Variants in MYH15 observed in about 807,000 individuals in gnomAD.
The protein encoded by MYH15 is myosin-15.
MYH15 carries 227 observed loss-of-function variants against 240.5 expected under a neutral mutation model. The ratio of observed to expected loss-of-function variants is 0.94; its 90% CI spans 0.85 to 1.05. The LOEUF (loss-of-function observed/expected upper bound fraction) is 1.05, where lower values mean the gene tolerates loss of function less well. MYH15 is among the 50% of genes least tolerant of loss of function. The pLI is 0.00. For missense variants in MYH15, 2,217 were observed against 2,247.5 expected (o/e 0.99, Z 0.27); for synonymous variants, 785 against 796.7 (o/e 0.99, Z 0.25).
intron 1 of MYH15, among the ~76,000 whole-genome samples, chr3:108,521,443 C>A (rs187869892): frequency 1.3e-5 from 2 of 151,680 alleles, no homozygotes; most frequent in East Asian, 1.9e-4. Context: ...ATAGTTCATG[C>A]GATCAGTTCT....
At chr3:108,510,679 G>A (rs570093521), upstream of MYH15, 630 of 1,279,764 alleles carry the variant, frequency 4.9e-4, no homozygotes, top group Middle Eastern at 1.3e-3. Context: ...AGACTAAAGA[G>A]TGTTAAGTTT....
chr3:108,393,965 T>C (rs1438493755), intron 36 of MYH15, 66 bp downstream of exon 36: 1 of 1,606,822 alleles, frequency 6.2e-7, no homozygotes, highest in Non-Finnish European at 8.5e-7. Flanking sequence ...GATGTGGCCC[T>C]GCCCCTTGGC....
intron 33 of MYH15, among the ~76,000 whole-genome samples, chr3:108,400,738 G>A (rs1258654314): frequency 6.6e-6 from 1 of 152,160 alleles, no homozygotes; most frequent in Non-Finnish European, 1.5e-5. Context: ...GAACCCAGAA[G>A]GCAGAGGTTG....
chr3:108,386,730 A>G (rs1223418685), intron 38 of MYH15, among the ~76,000 whole-genome samples: 4 of 151,834 alleles, frequency 2.6e-5, no homozygotes, highest in Admixed American at 1.3e-4. Context: ...ATCTAACTCT[A>G]TCCTGGCATT....
chr3:108,530,322 T>G (rs914690413), upstream of MYH15, among the ~76,000 whole-genome samples: 1 of 152,184 alleles, frequency 6.6e-6, no homozygotes, highest in African/African-American at 2.4e-5. Flanking sequence ...TGGCATCTAA[T>G]TAAAAATTAC....
intron 7 of MYH15, among the ~76,000 whole-genome samples, chr3:108,493,959 T>C (rs1195103474): frequency 6.6e-6 from 1 of 152,188 alleles, no homozygotes; most frequent in Admixed American, 6.5e-5. Flanking sequence ...TGAAAAGTCA[T>C]AAGGCAGGAT....
chr3:108,448,548 A>G (rs991193021), intron 21 of MYH15, among the ~76,000 whole-genome samples: 1 of 152,088 alleles, frequency 6.6e-6, no homozygotes, highest in African/African-American at 2.4e-5. Flanking sequence ...CATCAAGATG[A>G]TATAAATATC....
chr3:108,398,509 T>C (rs1230304340), intron 35 of MYH15, 128 bp downstream of exon 35: 7 of 853,332 alleles, frequency 8.2e-6, no homozygotes, highest in Non-Finnish European at 1.4e-5. Flanking sequence ...AGTATGAACA[T>C]GCCTTGCTTC....
In MYH15 at chr3:108,385,934, A is replaced by G. The variant is rs569227761; in HGVS notation, c.5536-1152T>C. Among the ~76,000 whole-genome samples, 8 of 152,278 alleles carry G rather than the reference A, an allele frequency of 5.3e-5. No homozygotes were observed. The South Asian group carries it at 8.3e-4, about 16-fold the overall frequency. On this transcript the variant is annotated intron_variant, in intron 38 of 40. Transcript: ENST00000693548. ...GCCACACACACCACCACCTTAAAGT[A>G]CCATGTAAAAGTAGATATTAATAAT...
At chr3:108,463,893 C>T (rs183353407) in intron 15 of MYH15, among the ~76,000 whole-genome samples, 2 of 152,058 alleles carry the variant, frequency 1.3e-5, no homozygotes, top group African/African-American at 2.4e-5. Context: ...TGGCATTTCA[C>T]ACCAGCAGTC....
At chr3:108,384,661 A>G (rs752586024) in intron 39 of MYH15, 26 bp downstream of exon 39, 86 of 1,591,302 alleles carry the variant, frequency 5.4e-5, no homozygotes, top group Admixed American at 4.0e-4. Flanking sequence ...GAAATCCATG[A>G]GGCTGAAACT....
In MYH15 at chr3:108,439,819, G is replaced by T. The variant is rs1190529781; in HGVS notation, c.2993C>A (p.Thr998Asn). Residue 998 changes from threonine (T) to asparagine (N), a missense_variant, in exon 24 of 41, where the codon ACC becomes AAC. Physicochemically the swap from Thr to Asn is moderately conservative, Grantham distance 65. Transcript: ENST00000693548. Reference protein sequence around the residue: ...AKVVQEAHQQTLDDLHMEEEK... With the variant: ...AKVVQEAHQQNLDDLHMEEEK... ...CTCCTCCATGTGCAGGTCATCCAGG[G>T]TCTGCTGATGGGCCTCCTGCACAAC... is the stretch of plus-strand genomic sequence containing the variant. 1.2e-6 allele frequency: 2 copies of T among 1,613,406 alleles called. No individual in the cohort carries two copies. Among genetic ancestry groups the T allele is most frequent in the Admixed American group, 3.3e-5 (2 of 59,878 alleles).
chr3:108,514,029 A>G (rs1037661248), upstream of MYH15, among the ~76,000 whole-genome samples: 1 of 152,176 alleles, frequency 6.6e-6, no homozygotes, highest in African/African-American at 2.4e-5. Context: ...AAGTAAAGAC[A>G]AAGAATGGGA....
upstream of MYH15, among the ~76,000 whole-genome samples, chr3:108,533,118 C>CTTTTTT (rs10561890): frequency 5.2e-4 from 51 of 97,662 alleles, no homozygotes; most frequent in East Asian, 1.4e-3. Flanking sequence ...ACAATAAAAG[C>CTTTTTT]TTTTTTTTTT....
intron 11 of MYH15, among the ~76,000 whole-genome samples, chr3:108,480,090 A>T (rs1239830496): frequency 6.6e-6 from 1 of 152,210 alleles, no homozygotes. Flanking sequence ...AAGACATGGG[A>T]AAAAATAGTA....
chr3:108,524,243 C>G (rs546357707), intron 1 of MYH15, among the ~76,000 whole-genome samples: 2 of 151,894 alleles, frequency 1.3e-5, no homozygotes, highest in Non-Finnish European at 2.9e-5. Context: ...TTTTGACAAT[C>G]CAATAGGTAT....
chr3:108,420,579 G>A (rs891554164), intron 28 of MYH15, among the ~76,000 whole-genome samples: 1 of 152,056 alleles, frequency 6.6e-6, no homozygotes, highest in African/African-American at 2.4e-5. Context: ...CATAGAGGTC[G>A]ACGTGGCCAA....
At chr3:108,411,134 T>C (rs2082589833) in intron 30 of MYH15, among the ~76,000 whole-genome samples, 1 of 152,214 alleles carries the variant, frequency 6.6e-6, no homozygotes, top group Non-Finnish European at 1.5e-5. Flanking sequence ...CCTGTGTGCA[T>C]GGGGTCTTTA....
At chr3:108,445,197 A>C (rs974600431) in intron 21 of MYH15, among the ~76,000 whole-genome samples, 9 of 152,234 alleles carry the variant, frequency 5.9e-5, no homozygotes, top group Non-Finnish European at 1.2e-4. Context: ...TTGAACAATA[A>C]GTGAATGCAT....
Sources: gnomAD v4.1 joint callset for allele counts (sites outside exome capture counted in the v4.1 genomes callset) on GRCh38, gnomAD v4.1.1 for gene constraint, MANE v1.5 for transcripts, NCBI Gene and HGNC (gene_info 2026-07-23, HGNC 2026-07-21) for gene names.